The following PI4KA variants were observed in gnomAD, a reference collection of about 807,000 sequenced individuals.
PI4KA encodes PI4-kinase alpha.
Under a neutral mutation model 271.4 loss-of-function variants are expected in PI4KA, and 122 were observed. That is an observed-to-expected ratio of 0.45 (90% CI 0.39 to 0.52). The LOEUF (loss-of-function observed/expected upper bound fraction) is 0.52. PI4KA is among the 20% of genes least tolerant of loss of function. The probability of loss-of-function intolerance (pLI) is 0.00; values close to 1 mark genes in which losing one functional copy is unlikely to be tolerated. For synonymous variants in PI4KA, 1,041 were observed against 1,078.8 expected, an observed-to-expected ratio of 0.96 and a Z score of 0.69; for missense variants, 1,969 against 2,769.1, an observed-to-expected ratio of 0.71 and a Z score of 6.48.
chr22:20,832,871 A>G (rs1924373562), intron 3 of PI4KA, among the ~76,000 whole-genome samples: 2 of 152,098 alleles, frequency 1.3e-5, no homozygotes, highest in African/African-American at 4.8e-5. Flanking sequence ...CTTCGTTCCT[A>G]TCCATATTCT....
rs201792693 is a variant in PI4KA at position 20,709,963 on chromosome 22, G to T, written c.6118C>A (p.Leu2040Ile). The change falls in exon 53 of 55, where the codon CTC (leucine) becomes ATC (isoleucine). Residue 2040 changes from leucine to isoleucine, a missense_variant. By Grantham distance (5) the Leu-to-Ile change is conservative. Coordinates refer to ENST00000255882, the MANE Select transcript of PI4KA (RefSeq NM_058004.4). ...CAGGGCAGGCCCGTGTCCAACATGAGAGTGACCAGGGAGACGACCGCGTCC... is the reference window on the plus strand; with the variant it reads ...CAGGGCAGGCCCGTGTCCAACATGATAGTGACCAGGGAGACGACCGCGTCC... ...YMDAVVSLVT[L>I]MLDTGLPCFR... 52 of 1,613,518 alleles carry T rather than the reference G, an allele frequency of 3.2e-5. No homozygotes were observed. The highest frequency in any genetic ancestry group is 3.3e-5 in the South Asian group (3 of 91,070).
intron 1 of PI4KA, among the ~76,000 whole-genome samples, chr22:20,839,198 CACA>C (rs899771118): frequency 2.1e-4 from 29 of 137,648 alleles, no homozygotes; most frequent in Admixed American, 1.0e-3. Flanking sequence ...GCCTGGGTGA[CACA>C]ACAAGACTCT....
At position 20,721,384 on chromosome 22, in the gene PI4KA, G is replaced by A. The variant is rs754844315; in HGVS notation, c.5030C>T (p.Ala1677Val). Residue 1677 changes from alanine (A) to valine (V), a missense_variant, in exon 43 of 55, where the codon GCG becomes GTG. Transcript: ENST00000255882. ...GYVREYILWA[A>V]SKSQLLAHQF... ...GTGTGCCAGAAGCTGGGATTTAGAC[G>A]CTGCCCACAGAATATACTCCCGCAC... 8 of 1,613,786 alleles carry A rather than the reference G, an allele frequency of 5.0e-6. No individual in the cohort carries two copies. The highest frequency in any genetic ancestry group is 3.3e-5 in the Admixed American group (2 of 60,006).
At chr22:20,835,790 T>C (rs556114217) in intron 2 of PI4KA, among the ~76,000 whole-genome samples, 1 of 151,814 alleles carries the variant, frequency 6.6e-6, no homozygotes, top group Non-Finnish European at 1.5e-5. Flanking sequence ...GGCTCACACC[T>C]GTAATCCCAG....
chr22:20,716,309 C>T (rs767190459), intron 45 of PI4KA, among the ~76,000 whole-genome samples: 150 of 152,360 alleles, frequency 9.8e-4, no homozygotes, highest in Non-Finnish European at 1.7e-3. Context: ...GCCTTGGCCT[C>T]CCAAAGTGCT....
At chr22:20,715,697 A>G (rs984655057) in intron 45 of PI4KA, among the ~76,000 whole-genome samples, 4 of 150,894 alleles carry the variant, frequency 2.7e-5, no homozygotes, top group Middle Eastern at 3.4e-3. Context: ...CTGGTCTGGA[A>G]CTCCTTACCT....
chr22:20,780,175 T>C lies in PI4KA; in HGVS notation c.2328+13018A>G, dbSNP rs752022208. ...AATATAGACCCTGCTACCCAGATGATGATTCTCAACTGCATCTACTTCAAA... is the reference window on the plus strand; with the variant it reads ...AATATAGACCCTGCTACCCAGATGACGATTCTCAACTGCATCTACTTCAAA... On this transcript the variant is annotated intron_variant, in intron 19 of 54. Coordinates refer to ENST00000255882, the MANE Select transcript of PI4KA (RefSeq NM_058004.4). 2 of 1,614,254 alleles carry C rather than the reference T, an allele frequency of 1.2e-6. No individual in the cohort carries two copies. Among genetic ancestry groups the C allele is most frequent in the East Asian group, 4.5e-5 (2 of 44,886 alleles).
At chr22:20,738,059 C>A (rs1412189316) in intron 32 of PI4KA, among the ~76,000 whole-genome samples, 5 of 152,152 alleles carry the variant, frequency 3.3e-5, no homozygotes, top group African/African-American at 1.2e-4. Context: ...TCCAGAAGAC[C>A]CTGAGAGGAG....
Position 20,710,987 on chromosome 22 carries a change from G to A in PI4KA, c.5924-129C>T, listed in dbSNP as rs1925201424. The A allele has an allele frequency of 1.6e-5, 15 of 964,284 alleles. No homozygotes were observed. The East Asian group carries it at 3.0e-4, about 19-fold the overall frequency. The allele number at this position is 964,284 out of a possible 1,614,324, so 59.7% of individuals were successfully genotyped here. Reference sequence around the variant, plus strand: ...CCTCCACCCCCAACAGGCAGGTTGTGTTTTCTTGGAGACAGTGATGGGGTG... The same window carrying A: ...CCTCCACCCCCAACAGGCAGGTTGTATTTTCTTGGAGACAGTGATGGGGTG... On this transcript the variant is annotated intron_variant, in intron 51 of 54. Transcript: ENST00000255882.
chr22:20,806,543 G>T (rs920118000), intron 10 of PI4KA, among the ~76,000 whole-genome samples: 1 of 151,652 alleles, frequency 6.6e-6, no homozygotes, highest in Admixed American at 6.6e-5. Context: ...GGTGGCACAT[G>T]CCTGTAATCC....
intron 13 of PI4KA, among the ~76,000 whole-genome samples, chr22:20,802,443 T>C (rs902870293): frequency 5.3e-5 from 8 of 152,312 alleles, no homozygotes; most frequent in Non-Finnish European, 1.0e-4. Context: ...CTCACTAATA[T>C]GTACAAAGCC....
chr22:20,774,691 G>T (rs990604259), intron 19 of PI4KA, among the ~76,000 whole-genome samples: 2 of 151,550 alleles, frequency 1.3e-5, no homozygotes, highest in African/African-American at 4.9e-5. Flanking sequence ...AACCCGGGAG[G>T]CAGAGGTTGC....
chr22:20,811,739 C>T (rs1396071452), intron 8 of PI4KA, among the ~76,000 whole-genome samples: 1 of 151,928 alleles, frequency 6.6e-6, no homozygotes, highest in Non-Finnish European at 1.5e-5. Flanking sequence ...CTAGGCCAGC[C>T]GTGGTGGCTC....
rs376870559 is a variant in PI4KA at position 20,800,873 on chromosome 22, C to CAA, written c.1724+1098_1724+1099dup. Among the ~76,000 whole-genome samples the CAA allele has an allele frequency of 1.5e-4, 18 of 122,580 alleles. No homozygotes were observed. In the South Asian group the frequency reaches 2.3e-3, roughly 15 times the overall value. 80.4% of individuals were successfully genotyped at this position (122,580 alleles called of 152,430 possible). ...TGGGCGACAAAGCAAGACTCTGTCT[C>CAA]AAAAAAAAAAAAGGAAGAATTTCTT... On this transcript the variant is annotated intron_variant, in intron 14 of 54. Transcript: ENST00000255882.
At chr22:20,850,990 A>C (rs967717972) in intron 1 of PI4KA, among the ~76,000 whole-genome samples, 2 of 152,132 alleles carry the variant, frequency 1.3e-5, no homozygotes, top group Non-Finnish European at 2.9e-5. Context: ...GGTGGTAGTA[A>C]GTTATGATCA....
chr22:20,785,426 G>C (rs1181122759), intron 19 of PI4KA, among the ~76,000 whole-genome samples: 1 of 152,216 alleles, frequency 6.6e-6, no homozygotes, highest in African/African-American at 2.4e-5. Context: ...AGGTAAAAGA[G>C]TGAAGAAGAT....
intron 23 of PI4KA, among the ~76,000 whole-genome samples, chr22:20,758,088 G>C (rs993265729): frequency 6.6e-6 from 1 of 152,026 alleles, no homozygotes; most frequent in South Asian, 2.1e-4. Flanking sequence ...ATTCTGGGCC[G>C]GGCGCAGTGG....
intron 2 of PI4KA, among the ~76,000 whole-genome samples, chr22:20,835,529 T>C (rs178056): frequency 0.49 from 74,049 of 151,658 alleles, 18,553 homozygotes; most frequent in African/African-American, 0.59. Context: ...CTCAGGAATT[T>C]GAGACCCAGC....
chr22:20,856,364 C>G (rs1028026434), intron 1 of PI4KA, among the ~76,000 whole-genome samples: 1 of 151,936 alleles, frequency 6.6e-6, no homozygotes, highest in African/African-American at 2.4e-5. Context: ...TGAAGTACTT[C>G]CTAAAGTAAG....
Sources: gnomAD v4.1 joint callset for allele counts (sites outside exome capture counted in the v4.1 genomes callset) on GRCh38, gnomAD v4.1.1 for gene constraint, MANE v1.5 for transcripts, NCBI Gene and HGNC (gene_info 2026-07-23, HGNC 2026-07-21) for gene names.